The following SHISA6 variants were observed in gnomAD, a reference collection of about 807,000 sequenced individuals.
The protein encoded by SHISA6 is protein shisa-6.
In SHISA6, 22 loss-of-function variants were observed where a neutral mutation model predicts 47.9. The ratio of observed to expected loss-of-function variants is 0.46; its 90% CI spans 0.33 to 0.66. SHISA6 has a LOEUF of 0.66. SHISA6 is among the 30% of genes least tolerant of loss of function. The pLI, the probability that SHISA6 is intolerant of heterozygous loss-of-function variation, is 0.02. For missense variants in SHISA6, 680 were observed against 764.6 expected, an observed-to-expected ratio of 0.89 and a Z score of 1.30; for synonymous variants, 388 against 337.8, an observed-to-expected ratio of 1.15 and a Z score of -1.63.
At chr17:11,246,444 C>T (rs760611321) in intron 1 of SHISA6, among the ~76,000 whole-genome samples, 60 of 152,096 alleles carry the variant, frequency 3.9e-4, no homozygotes, top group Non-Finnish European at 6.8e-4. Flanking sequence ...GAGCCAAGAT[C>T]GCACCACTGC....
chr17:11,476,695 T>G (rs1916060209), intron 3 of SHISA6, among the ~76,000 whole-genome samples: 1 of 151,956 alleles, frequency 6.6e-6, no homozygotes, highest in Non-Finnish European at 1.5e-5. Flanking sequence ...TCTATCTTGG[T>G]GAGTGCTCCA....
chr17:11,463,588 T>C (rs1513741), intron 3 of SHISA6, among the ~76,000 whole-genome samples: 40,412 of 152,126 alleles, frequency 0.27, 5,546 homozygotes, highest in Middle Eastern at 0.37. Context: ...TGTATCTATT[T>C]CTTTTTATAT....
At chr17:11,320,667 A>AGAG (rs1458674842) in intron 2 of SHISA6, among the ~76,000 whole-genome samples, 8 of 78,474 alleles carry the variant, frequency 1.0e-4, no homozygotes, top group African/African-American at 1.9e-4. Flanking sequence ...ACCAAAAAAA[A>AGAG]AAAGAGAGAG....
intron 3 of SHISA6, among the ~76,000 whole-genome samples, chr17:11,388,095 G>A (rs1485257135): frequency 1.3e-5 from 2 of 152,194 alleles, no homozygotes; most frequent in African/African-American, 2.4e-5. Context: ...ACCAACAGTG[G>A]ATTGTGGCAA....
intron 3 of SHISA6, among the ~76,000 whole-genome samples, chr17:11,384,517 C>T (rs553673475): frequency 3.9e-5 from 6 of 152,176 alleles, no homozygotes; most frequent in South Asian, 2.1e-4. Flanking sequence ...AAACTCAGTC[C>T]GGCTGGTTGA....
chr17:11,331,157 C>T (rs1273969125), intron 2 of SHISA6, among the ~76,000 whole-genome samples: 1 of 152,138 alleles, frequency 6.6e-6, no homozygotes. Context: ...GGAGGCGTGG[C>T]TTTCCTGTCC....
At chr17:11,257,970 G>A (rs1238874241) in intron 1 of SHISA6, among the ~76,000 whole-genome samples, 4 of 152,066 alleles carry the variant, frequency 2.6e-5, no homozygotes, top group Admixed American at 6.5e-5. Context: ...TTAGACTGAT[G>A]GCCCTCTTGT....
chr17:11,435,374 T>C (rs1309922518), intron 3 of SHISA6, among the ~76,000 whole-genome samples: 2 of 151,964 alleles, frequency 1.3e-5, no homozygotes, highest in East Asian at 3.9e-4. Flanking sequence ...CAAAATAAAA[T>C]ACTATGAAAT....
intron 2 of SHISA6, among the ~76,000 whole-genome samples, chr17:11,375,156 T>TC (rs1206127094): frequency 6.6e-6 from 1 of 152,234 alleles, no homozygotes; most frequent in Non-Finnish European, 1.5e-5. Context: ...GGTACTTGAT[T>TC]ATTTCTTTTG....
At chr17:11,315,425 C>G (rs1363996918) in intron 2 of SHISA6, among the ~76,000 whole-genome samples, 1 of 151,808 alleles carries the variant, frequency 6.6e-6, no homozygotes, top group Admixed American at 6.6e-5. Context: ...TATTTCTCTT[C>G]TTTTTTTTCT....
chr17:11,557,221 G>A (rs1264875151), intron 5 of SHISA6, among the ~76,000 whole-genome samples: 1 of 152,192 alleles, frequency 6.6e-6, no homozygotes, highest in East Asian at 1.9e-4. Flanking sequence ...CCTAGTCTGA[G>A]CATCTTACTT....
chr17:11,336,807 CTCTACA>C lies in SHISA6; in HGVS notation c.800-42606_800-42601del, dbSNP rs532657811. Among the ~76,000 whole-genome samples, 271 of 152,326 alleles carry C rather than the reference CTCTACA, an allele frequency of 1.8e-3. 2 individuals carry two copies. The highest frequency in any genetic ancestry group is 4.2e-3 in the Admixed American group (65 of 15,304). ...GATTTGGAGCCGGCACATTGTGATA[CTCTACA>C]GTGCTCTGTCACCTCTGATTTCTTC... On this transcript the variant is annotated intron_variant, in intron 2 of 5. Transcript: ENST00000441885.
intron 3 of SHISA6, among the ~76,000 whole-genome samples, chr17:11,394,011 T>G (rs575725489): frequency 1.4e-4 from 21 of 152,362 alleles, no homozygotes; most frequent in African/African-American, 4.8e-4. Context: ...TAAGTGAAAA[T>G]TATATCTTTC....
chr17:11,357,187 CAAAA>C (rs60564976), intron 2 of SHISA6, among the ~76,000 whole-genome samples: 45 of 90,126 alleles, frequency 5.0e-4, no homozygotes, highest in African/African-American at 1.9e-3. Context: ...GACTCCGTCT[CAAAA>C]AAAAAAAAAA....
intron 3 of SHISA6, among the ~76,000 whole-genome samples, chr17:11,399,354 C>G (rs1913685091): frequency 6.6e-6 from 1 of 152,136 alleles, no homozygotes; most frequent in Non-Finnish European, 1.5e-5. Flanking sequence ...GAGTGTAGGA[C>G]TCAATATTGT....
chr17:11,241,472 TG>T lies in SHISA6; in HGVS notation c.52del (p.Asp18ThrfsTer18). On this transcript the variant is annotated frameshift_variant, in exon 1 of 6. Coordinates refer to ENST00000441885, the MANE Select transcript of SHISA6 (RefSeq NM_207386.4). LOFTEE classifies it high-confidence loss of function. The surrounding 1 kb of genome is among the most constrained non-coding windows in gnomAD (Gnocchi z 5.5). The stretch of plus-strand genomic sequence containing the variant: ...CTGCTGCTGCTCTCGCTGGAGTCCC[TG>T]GACCTGCTGCCCAGCGTCCACGGAG... Reference protein sequence around the residue: ...LLLLLLSLESLDLLPSVHGAR... With the variant: ...LLLLLLSLESXDLLPSVHGAR... 1.7e-6 allele frequency: 2 copies of T among 1,192,360 alleles called. No individual in the cohort carries two copies. Among genetic ancestry groups the T allele is most frequent in the South Asian group, 1.8e-5 (1 of 55,452 alleles). 73.9% of individuals were successfully genotyped at this position (1,192,360 alleles called of 1,614,324 possible).
chr17:11,500,989 G>A (rs754404820), intron 3 of SHISA6, among the ~76,000 whole-genome samples: 3 of 152,168 alleles, frequency 2.0e-5, no homozygotes, highest in Non-Finnish European at 2.9e-5. Flanking sequence ...TCTTACACAT[G>A]AAACTGCAGC....
chr17:11,443,820 T>G (rs1915158120), intron 3 of SHISA6, among the ~76,000 whole-genome samples: 2 of 152,196 alleles, frequency 1.3e-5, no homozygotes, highest in Non-Finnish European at 2.9e-5. Context: ...CAGTGTCTAG[T>G]CCATAGTTTA....
chr17:11,548,396 G>A (rs1216576342), intron 3 of SHISA6, among the ~76,000 whole-genome samples: 3 of 151,808 alleles, frequency 2.0e-5, no homozygotes, highest in African/African-American at 7.3e-5. Context: ...AAGCTTGACA[G>A]GGTTAGCACA....
Sources: allele counts gnomAD v4.1 joint callset (sites outside exome capture counted in the v4.1 genomes callset), GRCh38; gene constraint gnomAD v4.1.1; non-coding constraint Gnocchi (gnomAD v3.1); transcripts MANE v1.5; gene names NCBI Gene and HGNC (gene_info 2026-07-23, HGNC 2026-07-21).